Variants in ADAD1 observed in about 807,000 individuals in gnomAD.
ADAD1 encodes the protein adenosine deaminase domain containing 1.
In ADAD1, 46 loss-of-function variants were observed where a neutral mutation model predicts 66.8. The ratio of observed to expected loss-of-function variants is 0.69; its 90% CI spans 0.54 to 0.88. ADAD1 has a LOEUF of 0.88. Among genes scored for constraint, ADAD1 ranks in the 40% least tolerant of loss-of-function variants. ADAD1 has a pLI of 0.00. For missense variants in ADAD1, 617 were observed against 681.8 expected, an observed-to-expected ratio of 0.91 and a Z score of 1.06; for synonymous variants, 248 against 229.4, an observed-to-expected ratio of 1.08 and a Z score of -0.73.
chr4:122,413,770 AAGTC>A (rs1167513393), intron 10 of ADAD1, among the ~76,000 whole-genome samples: 1 of 150,292 alleles, frequency 6.7e-6, no homozygotes, highest in Non-Finnish European at 1.5e-5. Context: ...TGCTTGCCTA[AAGTC>A]AGTCAGTTTG....
chr4:122,429,578 A>G, intron 12 of ADAD1, 48 bp from the exon 13 acceptor site: 3 of 1,284,242 alleles, frequency 2.3e-6, no homozygotes, highest in Non-Finnish European at 2.3e-6. Context: ...CTTTTCAGCA[A>G]TCAAATGCTG....
intron 9 of ADAD1, among the ~76,000 whole-genome samples, chr4:122,411,998 T>C (rs573385380): frequency 6.6e-6 from 1 of 152,224 alleles, no homozygotes; most frequent in South Asian, 2.1e-4. Flanking sequence ...CTTTGATGAA[T>C]GAATATCATC....
intron 7 of ADAD1, among the ~76,000 whole-genome samples, chr4:122,402,413 C>T (rs566033997): frequency 1.3e-5 from 2 of 152,170 alleles, no homozygotes; most frequent in Admixed American, 6.5e-5. Context: ...GCTTTTTTCT[C>T]ACAGCTCTTA....
At chr4:122,392,290 A>G (rs1465996405) in intron 5 of ADAD1, among the ~76,000 whole-genome samples, 1 of 152,212 alleles carries the variant, frequency 6.6e-6, no homozygotes, top group African/African-American at 2.4e-5. Context: ...CAAAGACATC[A>G]AATCAACCCA....
intron 5 of ADAD1, among the ~76,000 whole-genome samples, chr4:122,385,738 C>G (rs1307259683): frequency 6.6e-6 from 1 of 152,160 alleles, no homozygotes; most frequent in Non-Finnish European, 1.5e-5. Context: ...GTTCCCCTCT[C>G]TGTGTCCATG....
intron 12 of ADAD1, among the ~76,000 whole-genome samples, chr4:122,425,688 G>T (rs577436131): frequency 1.6e-4 from 25 of 151,788 alleles, no homozygotes; most frequent in African/African-American, 5.5e-4. Context: ...ATTGTATTAG[G>T]TATTATAAAT....
At chr4:122,385,305 C>T (rs989582595) in intron 5 of ADAD1, among the ~76,000 whole-genome samples, 1 of 152,108 alleles carries the variant, frequency 6.6e-6, no homozygotes, top group African/African-American at 2.4e-5. Context: ...CAGAGTCTCA[C>T]TCTGTCACCC....
At chr4:122,429,025 C>T (rs765343294) in intron 12 of ADAD1, among the ~76,000 whole-genome samples, 1 of 151,794 alleles carries the variant, frequency 6.6e-6, no homozygotes, top group Admixed American at 6.6e-5. Flanking sequence ...CTGCCACCAT[C>T]GAGTTTTGTG....
At chr4:122,428,877 A>G (rs1580822511) in intron 12 of ADAD1, among the ~76,000 whole-genome samples, 1 of 152,290 alleles carries the variant, frequency 6.6e-6, no homozygotes, top group Admixed American at 6.5e-5. Flanking sequence ...CAATGCACTT[A>G]ACAATGGATG....
chr4:122,422,832 G>A (rs537186512), intron 12 of ADAD1, among the ~76,000 whole-genome samples: 8 of 151,764 alleles, frequency 5.3e-5, no homozygotes, highest in Admixed American at 1.3e-4. Context: ...CACAGCTCTA[G>A]TTCTGGCTAC....
At chr4:122,422,121 CTTT>C (rs10713074) in intron 12 of ADAD1, among the ~76,000 whole-genome samples, 1,748 of 113,830 alleles carry the variant, frequency 0.015, 13 homozygotes, top group African/African-American at 0.061. Context: ...CATGAACATC[CTTT>C]TTTTTTTTTT....
intron 5 of ADAD1, among the ~76,000 whole-genome samples, chr4:122,385,479 G>C (rs141701300): frequency 0.018 from 2,796 of 152,168 alleles, 70 homozygotes; most frequent in African/African-American, 0.058. Context: ...CACCATGTTG[G>C]CCAGGCTGGT....
chr4:122,382,597 C>A (rs1794960649), intron 4 of ADAD1, among the ~76,000 whole-genome samples: 1 of 152,046 alleles, frequency 6.6e-6, no homozygotes, highest in Non-Finnish European at 1.5e-5. Context: ...TTCAAAATGT[C>A]CTGTAGAGAA....
chr4:122,419,902 ATCTT>A (rs1390064571), intron 11 of ADAD1, among the ~76,000 whole-genome samples: 1 of 152,218 alleles, frequency 6.6e-6, no homozygotes, highest in Non-Finnish European at 1.5e-5. Flanking sequence ...GATAAAGTAT[ATCTT>A]TATTAGTCAA....
chr4:122,413,565 T>A (rs1457037904), intron 10 of ADAD1, among the ~76,000 whole-genome samples: 1 of 152,034 alleles, frequency 6.6e-6, no homozygotes, highest in Non-Finnish European at 1.5e-5. Context: ...AAAATGTTTG[T>A]CCAGAAGTTA....
intron 5 of ADAD1, among the ~76,000 whole-genome samples, chr4:122,385,928 T>C (rs1345880360): frequency 2.0e-5 from 3 of 152,188 alleles, no homozygotes; most frequent in African/African-American, 7.2e-5. Flanking sequence ...ATATTTTCTT[T>C]ATCCATTCTA....
intron 11 of ADAD1, among the ~76,000 whole-genome samples, chr4:122,418,922 T>C (rs1796880211): frequency 6.6e-6 from 1 of 152,126 alleles, no homozygotes; most frequent in African/African-American, 2.4e-5. Flanking sequence ...ACATATACAC[T>C]ATTGGTGGAA....
At chr4:122,386,105 G>A (rs1795159495) in intron 5 of ADAD1, among the ~76,000 whole-genome samples, 1 of 152,058 alleles carries the variant, frequency 6.6e-6, no homozygotes, top group South Asian at 2.1e-4. Flanking sequence ...CTAGATCCTT[G>A]AAGAATCACC....
intron 5 of ADAD1, among the ~76,000 whole-genome samples, chr4:122,389,511 A>C (rs1795336598): frequency 6.6e-6 from 1 of 152,178 alleles, no homozygotes; most frequent in African/African-American, 2.4e-5. Flanking sequence ...TAGGTTTCTA[A>C]GAACTTGTTT....
Sources: gnomAD v4.1 joint callset for allele counts (sites outside exome capture counted in the v4.1 genomes callset) on GRCh38, gnomAD v4.1.1 for gene constraint, MANE v1.5 for transcripts, NCBI Gene and HGNC (gene_info 2026-07-23, HGNC 2026-07-21) for gene names.